The following PRKD3 variants were observed in gnomAD, a reference collection of about 807,000 sequenced individuals.
PRKD3 encodes the protein protein kinase D3.
PRKD3 carries 47 observed loss-of-function variants against 99.2 expected under a neutral mutation model. The ratio of observed to expected loss-of-function variants is 0.47; its 90% CI spans 0.38 to 0.60. The LOEUF (loss-of-function observed/expected upper bound fraction) is 0.60, where lower values mean the gene tolerates loss of function less well. Ranked by LOEUF, PRKD3 falls within the 20% of genes least tolerant of loss-of-function variation. PRKD3 has a pLI of 0.00. For synonymous variants in PRKD3, 392 were observed against 355.4 expected, an observed-to-expected ratio of 1.10 and a Z score of -1.16; for missense variants, 1,019 against 1,088.4, an observed-to-expected ratio of 0.94 and a Z score of 0.90.
In PRKD3 at chr2:37,277,975, T is replaced by C. The variant is rs1314283929; in HGVS notation, c.1187A>G (p.Asn396Ser). The C allele has an allele frequency of 2.5e-6, 4 of 1,604,554 alleles. No individual in the cohort carries two copies. Among genetic ancestry groups the C allele is most frequent in the East Asian group, 4.5e-5 (2 of 44,582 alleles). ...AVKTISPSTSNNIPLMRVVQS... is the reference protein window; with the variant it reads ...AVKTISPSTSSNIPLMRVVQS... ...TACAACCCTCATTAGCGGAATATTA[T>C]TGCTTGTTGATGGACTAAAAAATAT... Residue 396 changes from asparagine (N) to serine (S), a missense_variant, in exon 9 of 19, where the codon AAT becomes AGT. Transcript: ENST00000234179.
chr2:37,306,193 G>C (rs1257496921), intron 2 of PRKD3, among the ~76,000 whole-genome samples: 1 of 151,668 alleles, frequency 6.6e-6, no homozygotes, highest in Non-Finnish European at 1.5e-5. Context: ...CTCAATATCA[G>C]TTTTCTCCCT....
intron 8 of PRKD3, chr2:37,279,508 AAAAAC>A: frequency 3.6e-6 from 1 of 276,924 alleles, no homozygotes. Context: ...TTTAAGAACA[AAAAAC>A]AAAAAACGAA....
chr2:37,270,734 A>G (rs1397509469), intron 12 of PRKD3, among the ~76,000 whole-genome samples: 1 of 152,232 alleles, frequency 6.6e-6, no homozygotes, highest in East Asian at 1.9e-4. Context: ...TGTAAGAACC[A>G]TTTTTATAAG....
chr2:37,306,780 GC>G (rs1671189457), intron 2 of PRKD3, among the ~76,000 whole-genome samples: 1 of 152,202 alleles, frequency 6.6e-6, no homozygotes, highest in South Asian at 2.1e-4. Context: ...TTGCACCCCA[GC>G]CTGGGTGACA....
intron 1 of PRKD3, among the ~76,000 whole-genome samples, chr2:37,318,649 G>A (rs1671760789): frequency 6.6e-6 from 1 of 152,230 alleles, no homozygotes. Context: ...AACTAAAACT[G>A]CAGAAAGGCA....
intron 12 of PRKD3, among the ~76,000 whole-genome samples, chr2:37,271,499 A>G (rs974318593): frequency 3.3e-5 from 5 of 152,200 alleles, no homozygotes; most frequent in Non-Finnish European, 5.9e-5. Context: ...TATATGGTCC[A>G]CAACAGGGGT....
chr2:37,304,784 G>A (rs1045444186), intron 2 of PRKD3, among the ~76,000 whole-genome samples: 1 of 150,020 alleles, frequency 6.7e-6, no homozygotes, highest in African/African-American at 2.5e-5. Context: ...AGAAATACCA[G>A]AGGAGCTGCT....
intron 14 of PRKD3, among the ~76,000 whole-genome samples, chr2:37,261,472 G>A (rs1227966334): frequency 6.9e-6 from 1 of 144,344 alleles, no homozygotes; most frequent in Non-Finnish European, 1.5e-5. Context: ...GGGAGACAGA[G>A]CGAGACTTTG....
At chr2:37,283,063 C>A (rs547780643) in intron 6 of PRKD3, among the ~76,000 whole-genome samples, 2 of 152,332 alleles carry the variant, frequency 1.3e-5, no homozygotes, top group African/African-American at 4.8e-5. Flanking sequence ...TGAGGAAGGA[C>A]TGAGTTTCTC....
At chr2:37,303,771 G>C (rs1489015571) in intron 2 of PRKD3, among the ~76,000 whole-genome samples, 1 of 151,970 alleles carries the variant, frequency 6.6e-6, no homozygotes, top group Non-Finnish European at 1.5e-5. Context: ...GAAGAATGAA[G>C]GTTTTATTCT....
At chr2:37,278,482 T>C (rs1669681802) in intron 8 of PRKD3, 1 of 152,302 alleles carries the variant, frequency 6.6e-6, no homozygotes, top group South Asian at 2.1e-4. Context: ...TAAAGGAAAA[T>C]GATTTACAGA....
At chr2:37,315,223 CTT>C (rs1223030943) in intron 2 of PRKD3, among the ~76,000 whole-genome samples, 1 of 152,100 alleles carries the variant, frequency 6.6e-6, no homozygotes, top group African/African-American at 2.4e-5. Flanking sequence ...CATATAAACT[CTT>C]TTGATAACAC....
chr2:37,256,423 C>T (rs912146223), intron 17 of PRKD3, among the ~76,000 whole-genome samples: 6 of 152,116 alleles, frequency 3.9e-5, no homozygotes, highest in African/African-American at 7.2e-5. Flanking sequence ...AGTGGTTTGA[C>T]AATGAGGCCA....
chr2:37,312,264 T>C (rs1468037542), intron 2 of PRKD3, among the ~76,000 whole-genome samples: 1 of 152,186 alleles, frequency 6.6e-6, no homozygotes, highest in Non-Finnish European at 1.5e-5. Flanking sequence ...ATGTTATGAG[T>C]TTATTCATTT....
chr2:37,317,007 C>T lies in PRKD3; in HGVS notation c.-483G>A. 1 of 987,026 alleles carries T rather than the reference C, an allele frequency of 1.0e-6. No individual in the cohort carries two copies. The highest frequency in any genetic ancestry group is 1.2e-6 in the Non-Finnish European group (1 of 831,156). The allele number at this position is 987,026 out of a possible 1,614,324, so 61.1% of individuals were successfully genotyped here. Reference sequence around the variant, plus strand: ...CCTTTGGTTTACTAATTTGATAGGACACCTTCTCAAATGTCCACACCTTAA... The same window carrying T: ...CCTTTGGTTTACTAATTTGATAGGATACCTTCTCAAATGTCCACACCTTAA... On this transcript the variant is annotated 5_prime_UTR_variant, in exon 2 of 19. Transcript: ENST00000234179.
intron 2 of PRKD3, among the ~76,000 whole-genome samples, chr2:37,311,663 G>A (rs1277600170): frequency 6.6e-6 from 1 of 152,088 alleles, no homozygotes; most frequent in East Asian, 1.9e-4. Context: ...TTTTTTTAAA[G>A]TATATTTTCA....
chr2:37,269,819 A>G (rs1669104701), intron 12 of PRKD3, 132 bp from the exon 13 acceptor site: 2 of 661,210 alleles, frequency 3.0e-6, no homozygotes, highest in Non-Finnish European at 5.0e-6. Flanking sequence ...AGTGCAAACT[A>G]TTTTATGAAA....
At position 37,267,549 on chromosome 2, in the gene PRKD3, AAAG is replaced by A. The variant is rs759683006; in HGVS notation, c.1778-16_1778-14del. On this transcript the variant is annotated splice_polypyrimidine_tract_variant and intron_variant, in intron 13 of 18. Coordinates refer to ENST00000234179, the MANE Select transcript of PRKD3 (RefSeq NM_005813.6). ...TTTCTATGTTTTCCTATTAAGAAAA[AAAG>A]AAGAGGAACGAATGAAGCAAACTGA... The A allele has an allele frequency of 2.0e-5, 31 of 1,565,434 alleles. No individual in the cohort carries two copies. The East Asian group carries it at 3.6e-4, about 18-fold the overall frequency.
intron 1 of PRKD3, among the ~76,000 whole-genome samples, chr2:37,323,132 C>T (rs1007851351): frequency 6.6e-6 from 1 of 150,968 alleles, no homozygotes; most frequent in African/African-American, 2.4e-5. Flanking sequence ...GTGTTTAAAT[C>T]CACGAACAGA....
Sources: allele counts gnomAD v4.1 joint callset (sites outside exome capture counted in the v4.1 genomes callset), GRCh38; gene constraint gnomAD v4.1.1; transcripts MANE v1.5; gene names NCBI Gene and HGNC (gene_info 2026-07-23, HGNC 2026-07-21).